The following KDM5B variants were observed in gnomAD, a reference collection of about 807,000 sequenced individuals.
The protein encoded by KDM5B is lysine demethylase 5B.
KDM5B carries 144 observed loss-of-function variants against 193.4 expected under a neutral mutation model. The observed-to-expected ratio is 0.74, with a 90% CI of 0.65 to 0.86. The LOEUF (loss-of-function observed/expected upper bound fraction) is 0.86, where lower values mean the gene tolerates loss of function less well. KDM5B is among the 40% of genes least tolerant of loss of function. The pLI, the probability that KDM5B is intolerant of heterozygous loss-of-function variation, is 0.00. For synonymous variants in KDM5B, 668 were observed against 682.6 expected, an observed-to-expected ratio of 0.98 and a Z score of 0.33; for missense variants, 1,833 against 1,886.9, an observed-to-expected ratio of 0.97 and a Z score of 0.53.
chr1:202,779,408 G>A (rs1321025244), intron 1 of KDM5B, among the ~76,000 whole-genome samples: 1 of 151,988 alleles, frequency 6.6e-6, no homozygotes, highest in Non-Finnish European at 1.5e-5. Context: ...GAACCCGGGA[G>A]GCGGAGTTTG....
chr1:202,730,574 A>G (rs566241482), intron 25 of KDM5B, among the ~76,000 whole-genome samples: 2 of 152,330 alleles, frequency 1.3e-5, no homozygotes, highest in South Asian at 2.1e-4. Flanking sequence ...CTAAATGCCA[A>G]CATCAGCCCT....
chr1:202,728,429 G>A lies in KDM5B; in HGVS notation c.*607C>T, dbSNP rs1278892154. The A allele has an allele frequency of 2.6e-5, 4 of 152,830 alleles. No homozygotes were observed. The highest frequency in any genetic ancestry group is 5.9e-5 in the Non-Finnish European group (4 of 68,212). 9.5% of individuals were successfully genotyped at this position (152,830 alleles called of 1,614,324 possible). On this transcript the variant is annotated 3_prime_UTR_variant, in exon 27 of 27. Coordinates refer to ENST00000367265, the MANE Select transcript of KDM5B (RefSeq NM_006618.5). ...TAAAGCACCAACACACTGTTTGGAAGTTTGTTTTGTTTTGTTTTAATTCCA... is the reference window on the plus strand; with the variant it reads ...TAAAGCACCAACACACTGTTTGGAAATTTGTTTTGTTTTGTTTTAATTCCA...
At position 202,774,652 on chromosome 1, in the gene KDM5B, AT is replaced by A; in HGVS notation, c.365del (p.His122LeufsTer15). The A allele has an allele frequency of 6.2e-7, 1 of 1,612,790 alleles. No homozygotes were observed. The highest frequency in any genetic ancestry group is 8.5e-7 in the Non-Finnish European group (1 of 1,178,820). Reference protein sequence around the residue: ...ELQGSTLKIPHVERKILDLFQ... With the variant: ...ELQGSTLKIPXVERKILDLFQ... ...ATAAGTCCAAGATCTTCCTCTCCAC[AT>A]GTGGAATTTTCAGAGTACTTCCCTG... On this transcript the variant is annotated frameshift_variant, in exon 3 of 27. Coordinates refer to ENST00000367265, the MANE Select transcript of KDM5B (RefSeq NM_006618.5). LOFTEE classifies it high-confidence loss of function.
intron 1 of KDM5B, among the ~76,000 whole-genome samples, chr1:202,785,521 T>C (rs1337109454): frequency 6.6e-6 from 1 of 152,208 alleles, no homozygotes; most frequent in Non-Finnish European, 1.5e-5. Flanking sequence ...CCTTGTACCT[T>C]ACGTATGTGA....
rs746837045 is a variant in KDM5B, at chr1:202,745,916, G to C, written c.2265C>G (p.Tyr755Ter). 3.1e-6 allele frequency: 5 copies of C among 1,613,930 alleles called. No homozygotes were observed. Among genetic ancestry groups the C allele is most frequent in the Non-Finnish European group, 4.2e-6 (5 of 1,179,820 alleles). ...CATTCACATTCAAGGCCCATTCGTTGTAAGATTCTGCTCGAAGCTTCAATG... is the reference window on the plus strand; with the variant it reads ...CATTCACATTCAAGGCCCATTCGTTCTAAGATTCTGCTCGAAGCTTCAATG... ...MNALKLRAES[Y>*]NEWALNVNEA... Residue 755 changes from tyrosine (Y) to a stop codon, truncating the protein, a stop_gained, in exon 16 of 27, where the codon TAC becomes TAG. Transcript: ENST00000367265. LOFTEE classifies it high-confidence loss of function.
rs1262758493 is a variant in KDM5B at position 202,740,412 on chromosome 1, C to T, written c.3084+262G>A. Among the ~76,000 whole-genome samples the T allele has an allele frequency of 9.0e-5, 11 of 122,778 alleles. 2 individuals are homozygous for T. Among genetic ancestry groups the T allele is most frequent in the African/African-American group, 3.1e-4 (11 of 35,732 alleles). 80.5% of individuals were successfully genotyped at this position (122,778 alleles called of 152,430 possible). On this transcript the variant is annotated intron_variant, in intron 20 of 26. Transcript: ENST00000367265. ...GGCAGCCGGCCGGGTGGGGGTCTGA[C>T]CCCCCCACCTCCCTCCCGGACGGGG...
chr1:202,729,097 G>A lies in KDM5B; in HGVS notation c.4574C>T (p.Ala1525Val). 2.5e-6 allele frequency: 4 copies of A among 1,614,088 alleles called. No homozygotes were observed. Among genetic ancestry groups the A allele is most frequent in the Non-Finnish European group, 3.4e-6 (4 of 1,179,986 alleles). Residue 1525 changes from alanine to valine, a missense_variant, in exon 27 of 27, where the codon GCA becomes GTA. Physicochemically the swap from Ala to Val is moderately conservative, Grantham distance 64 (BLOSUM62 0). This residue lies in a region of KDM5B where 1,379 missense variants were observed against 1,349.6 expected (regional missense o/e 1.02). Transcript: ENST00000367265. The part of the protein sequence containing the change: ...QVCVGVSPEM[A>V]EKEDYICVRC... ...CACACAGATGTAGTCTTCTTTCTCT[G>A]CCATCTCTGGGGAGACACCAACACA...
chr1:202,801,696 TAATA>T (rs1374456672), intron 1 of KDM5B, among the ~76,000 whole-genome samples: 2 of 152,226 alleles, frequency 1.3e-5, no homozygotes, highest in African/African-American at 2.4e-5. Context: ...ACACAGCAGT[TAATA>T]AATACTTAAG....
At chr1:202,765,677 A>T (rs1413169492) in intron 5 of KDM5B, among the ~76,000 whole-genome samples, 4 of 152,162 alleles carry the variant, frequency 2.6e-5, no homozygotes, top group African/African-American at 9.7e-5. Flanking sequence ...GAATCACTAA[A>T]TTTTTTTCCT....
chr1:202,733,038 G>A (rs1163229386), intron 23 of KDM5B, among the ~76,000 whole-genome samples: 1 of 152,182 alleles, frequency 6.6e-6, no homozygotes, highest in Non-Finnish European at 1.5e-5. Context: ...TGACTTACAT[G>A]AGAAGAAGCA....
chr1:202,779,848 A>T (rs377189821), intron 1 of KDM5B, among the ~76,000 whole-genome samples: 1 of 124,812 alleles, frequency 8.0e-6, no homozygotes, highest in East Asian at 2.4e-4. Flanking sequence ...AATAAATAAA[A>T]AATAAAGGAA....
intron 5 of KDM5B, among the ~76,000 whole-genome samples, chr1:202,764,899 C>T (rs185095949): frequency 6.6e-6 from 1 of 152,166 alleles, no homozygotes. Flanking sequence ...TTTGCTTGAA[C>T]CCAGGAGGCA....
rs761102978 is a variant in KDM5B, at chr1:202,774,595, T to C, written c.405+18A>G. The C allele has an allele frequency of 4.1e-5, 65 of 1,595,134 alleles. No homozygotes were observed. The highest frequency in any genetic ancestry group is 5.5e-5 in the Non-Finnish European group (64 of 1,169,038). Reference sequence around the variant, plus strand: ...CAGTAAGATTATAAAATAAGTAAGATGGTCATTAGCTCTTTACCTTATTAA... The same window carrying C: ...CAGTAAGATTATAAAATAAGTAAGACGGTCATTAGCTCTTTACCTTATTAA... On this transcript the variant is annotated intron_variant, in intron 3 of 26. Transcript: ENST00000367265.
Position 202,742,633 on chromosome 1 carries a change from T to C in KDM5B, c.2474+22A>G, listed in dbSNP as rs778979370. On this transcript the variant is annotated intron_variant, in intron 17 of 26. Transcript: ENST00000367265. ...AACATAGGTGCCAAAGAATCCAAACTCACGCAGTCAGAAGCGCATACCTAG... is the reference window on the plus strand; with the variant it reads ...AACATAGGTGCCAAAGAATCCAAACCCACGCAGTCAGAAGCGCATACCTAG... 274 of 1,612,268 alleles carry C rather than the reference T, an allele frequency of 1.7e-4. 1 individual carries two copies. The highest frequency in any genetic ancestry group is 3.6e-4 in the East Asian group (16 of 44,850).
chr1:202,733,172 G>C (rs899081995), intron 23 of KDM5B, among the ~76,000 whole-genome samples: 1 of 152,188 alleles, frequency 6.6e-6, no homozygotes, highest in Non-Finnish European at 1.5e-5. Context: ...AGCTAAATAT[G>C]TGCTCTATAG....
In KDM5B at chr1:202,728,009, T is replaced by C. The variant is rs781760153; in HGVS notation, c.*1027A>G. ...AGGGGTTCTTTGTTAGTGAGGGCTG[T>C]AGGCATATGGCCCACCAAACAGAGC... On this transcript the variant is annotated 3_prime_UTR_variant, in exon 27 of 27. Transcript: ENST00000367265. 9 of 152,586 alleles carry C rather than the reference T, an allele frequency of 5.9e-5. No individual in the cohort carries two copies. Among genetic ancestry groups the C allele is most frequent in the Non-Finnish European group, 1.2e-4 (8 of 68,042 alleles). The allele number at this position is 152,586 out of a possible 1,614,324, so 9.5% of individuals were successfully genotyped here.
At chr1:202,802,515 C>T (rs1658117472) in intron 1 of KDM5B, among the ~76,000 whole-genome samples, 1 of 152,108 alleles carries the variant, frequency 6.6e-6, no homozygotes, top group Non-Finnish European at 1.5e-5. Flanking sequence ...GCCTCAGCCT[C>T]CCGAGTAGCT....
At chr1:202,765,440 C>A (rs1656416237) in intron 5 of KDM5B, among the ~76,000 whole-genome samples, 1 of 152,182 alleles carries the variant, frequency 6.6e-6, no homozygotes, top group Non-Finnish European at 1.5e-5. Context: ...TTAATGATGT[C>A]CACTGCTAAA....
At chr1:202,746,870 T>G (rs933846027) in intron 14 of KDM5B, among the ~76,000 whole-genome samples, 2 of 152,122 alleles carry the variant, frequency 1.3e-5, no homozygotes, top group African/African-American at 4.8e-5. Flanking sequence ...GTTAGAAAAT[T>G]TGTGCAATAG....
Sources: allele counts gnomAD v4.1 joint callset (sites outside exome capture counted in the v4.1 genomes callset), GRCh38; gene constraint gnomAD v4.1.1; regional missense constraint gnomAD v4.1.1; transcripts MANE v1.5; gene names NCBI Gene and HGNC (gene_info 2026-07-23, HGNC 2026-07-21).